NLGN4X: variants seen among roughly 807,000 people sequenced by gnomAD.
NLGN4X encodes neuroligin 4 X-linked, also known as neuroligin-4, X-linked.
A neutral mutation model predicts 40.3 loss-of-function variants in NLGN4X; 3 were observed. That is an observed-to-expected ratio of 0.07 (90% CI 0.03 to 0.19). NLGN4X has a LOEUF of 0.19. Ranked by LOEUF, NLGN4X falls within the 10% of genes least tolerant of loss-of-function variation. The pLI, the probability that NLGN4X is intolerant of heterozygous loss-of-function variation, is 1.00. For missense variants in NLGN4X, 382 were observed against 708.3 expected (o/e 0.54, Z 5.23); for synonymous variants, 270 against 306.8 (o/e 0.88, Z 1.25).
At chrX:6,115,778 A>G (rs1457577843) in intron 2 of NLGN4X, among the ~76,000 whole-genome samples, 2 of 111,434 alleles carry the variant, frequency 1.8e-5, no homozygotes, top group Non-Finnish European at 3.8e-5. Context: ...TTCTGTCTCT[A>G]TGCAACAATT....
At chrX:6,210,120 C>T (rs755571791) in intron 1 of NLGN4X, among the ~76,000 whole-genome samples, 10 of 111,715 alleles carry the variant, frequency 9.0e-5, no homozygotes, top group Non-Finnish European at 1.9e-4. Context: ...TCTCTTTAGC[C>T]TCTATCATTC....
intron 1 of NLGN4X, among the ~76,000 whole-genome samples, chrX:6,160,811 G>A (rs1360208910): frequency 9.3e-6 from 1 of 108,080 alleles, no homozygotes; most frequent in East Asian, 2.9e-4. Context: ...GTGAGCCAAC[G>A]CGCCTGGCCA....
intron 2 of NLGN4X, among the ~76,000 whole-genome samples, chrX:6,098,051 A>G (rs1404397295): frequency 1.8e-5 from 2 of 113,030 alleles, no homozygotes; most frequent in African/African-American, 6.4e-5. Flanking sequence ...GCACTTTGGT[A>G]GGCCCAGGCC....
chrX:6,052,006 G>A (rs898199322), intron 2 of NLGN4X, among the ~76,000 whole-genome samples: 1 of 111,017 alleles, frequency 9.0e-6, no homozygotes, highest in African/African-American at 3.3e-5. Flanking sequence ...CGCCGTATTG[G>A]GAGACAGTCC....
intron 2 of NLGN4X, among the ~76,000 whole-genome samples, chrX:6,140,498 A>C (rs977498865): frequency 2.0e-5 from 2 of 101,988 alleles, no homozygotes; most frequent in Non-Finnish European, 2.0e-5. Context: ...ACACACACAC[A>C]CCACAGACCA....
At chrX:6,045,473 A>T (rs1014375867) in intron 2 of NLGN4X, among the ~76,000 whole-genome samples, 2 of 111,048 alleles carry the variant, frequency 1.8e-5, no homozygotes, top group African/African-American at 6.5e-5. Flanking sequence ...ATATTAAATT[A>T]AAAAAAAACT....
chrX:6,016,872 G>C (rs898015306), intron 3 of NLGN4X, among the ~76,000 whole-genome samples: 6 of 112,002 alleles, frequency 5.4e-5, no homozygotes, highest in Middle Eastern at 4.6e-3. Flanking sequence ...ACACAAAAAA[G>C]CATGTATTAT....
intron 3 of NLGN4X, among the ~76,000 whole-genome samples, chrX:6,019,694 G>C (rs2036484141): frequency 9.0e-6 from 1 of 111,172 alleles, no homozygotes; most frequent in African/African-American, 3.3e-5. Flanking sequence ...TCCCCAAGGA[G>C]AAAGAGGGCA....
chrX:6,175,195 T>A (rs57529801), intron 1 of NLGN4X, among the ~76,000 whole-genome samples: 17,257 of 110,984 alleles, frequency 0.16, 1,056 homozygotes, highest in Middle Eastern at 0.24. Context: ...GCTATGATTT[T>A]TCCTCTGAGA....
At chrX:6,104,392 G>A (rs2038988732) in intron 2 of NLGN4X, among the ~76,000 whole-genome samples, 1 of 112,245 alleles carries the variant, frequency 8.9e-6, no homozygotes, top group Admixed American at 9.5e-5. Context: ...ACATTCTCAG[G>A]TGGATAATAT....
chrX:6,160,095 G>T (rs2040352668), intron 1 of NLGN4X, among the ~76,000 whole-genome samples: 1 of 110,681 alleles, frequency 9.0e-6, no homozygotes, highest in Admixed American at 9.7e-5. Context: ...AGCACAACAG[G>T]GTGACTGCAG....
intron 2 of NLGN4X, among the ~76,000 whole-genome samples, chrX:6,083,912 G>T (rs938066569): frequency 6.3e-5 from 7 of 111,502 alleles, no homozygotes; most frequent in African/African-American, 2.3e-4. Flanking sequence ...GGCCTGAGCT[G>T]GAAATAAAGA....
chrX:6,054,163 A>G (rs1367244804), intron 2 of NLGN4X, among the ~76,000 whole-genome samples: 1 of 111,937 alleles, frequency 8.9e-6, no homozygotes, highest in Non-Finnish European at 1.9e-5. Flanking sequence ...TTGTCCCCAG[A>G]TTAGAAATTG....
chrX:6,027,579 T>TACAACACCTCTTAGGGTTTCTC (rs2036734252), intron 3 of NLGN4X, among the ~76,000 whole-genome samples: 1 of 109,997 alleles, frequency 9.1e-6, no homozygotes, highest in African/African-American at 3.3e-5. Flanking sequence ...TAGGGTTTCT[T>TACAACACCTCTTAGGGTTTCTC]ACAACACCTC....
chrX:5,930,178 AG>A (rs2033497368), intron 3 of NLGN4X, among the ~76,000 whole-genome samples: 1 of 112,480 alleles, frequency 8.9e-6, no homozygotes, highest in Non-Finnish European at 1.9e-5. Context: ...CTCATTAAGT[AG>A]GCTTCTCTCT....
rs756310916 is a variant in NLGN4X at position 5,890,205 on chromosome X, A to T, written c.*2612T>A. The T allele has an allele frequency of 1.0e-4, 18 of 177,729 alleles. No individual in the cohort carries two copies. The highest frequency in any genetic ancestry group is 1.6e-4 in the Non-Finnish European group (16 of 97,153). 14.6% of individuals were successfully genotyped at this position (177,729 alleles called of 1,213,427 possible). On this transcript the variant is annotated 3_prime_UTR_variant, in exon 6 of 6. Coordinates refer to ENST00000381095, the MANE Select transcript of NLGN4X (RefSeq NM_181332.3). ...TAAACCCTGCGTGCCTTTGAAGATC[A>T]AGAGTAAAAGCCTAGGACAGGATTT...
In NLGN4X at chrX:6,220,734, CTTTT is replaced by C. The variant is rs774553248; in HGVS notation, c.-306+7803_-306+7806del. ...CCATCATAGGTAACTTTATAACTTT[CTTTT>C]TTTTTTTTTTTTTTTTTGAGACAGA... On this transcript the variant is annotated intron_variant, in intron 1 of 5. Coordinates refer to ENST00000381095, the MANE Select transcript of NLGN4X (RefSeq NM_181332.3). Among the ~76,000 whole-genome samples, 5 of 66,753 alleles carry C rather than the reference CTTTT, an allele frequency of 7.5e-5. No individual in the cohort carries two copies. The Admixed American group carries it at 8.6e-4, about 11-fold the overall frequency. 58.0% of individuals were successfully genotyped at this position (66,753 alleles called of 115,157 possible).
At chrX:5,926,931 A>ACCT (rs2033347325) in intron 3 of NLGN4X, among the ~76,000 whole-genome samples, 2 of 74,216 alleles carry the variant, frequency 2.7e-5, no homozygotes, top group Non-Finnish European at 5.1e-5. Context: ...ATATCTCTAT[A>ACCT]TCTTCTATCT....
At chrX:6,190,689 T>C (rs953016947) in intron 1 of NLGN4X, among the ~76,000 whole-genome samples, 1 of 111,947 alleles carries the variant, frequency 8.9e-6, no homozygotes, top group African/African-American at 3.2e-5. Context: ...AAGGATCTCA[T>C]GGTCTGAGTG....
Sources: gnomAD v4.1 joint callset for allele counts (sites outside exome capture counted in the v4.1 genomes callset) on GRCh38, gnomAD v4.1.1 for gene constraint, MANE v1.5 for transcripts, NCBI Gene and HGNC (gene_info 2026-07-23, HGNC 2026-07-21) for gene names.